The following PTPRO variants were observed in gnomAD, a reference collection of about 807,000 sequenced individuals.
PTPRO encodes the protein receptor-type tyrosine-protein phosphatase O.
Under a neutral mutation model 145.2 loss-of-function variants are expected in PTPRO, and 62 were observed. The observed-to-expected ratio is 0.43, with a 90% CI of 0.35 to 0.53. The LOEUF is 0.53. Among genes scored for constraint, PTPRO ranks in the 20% least tolerant of loss-of-function variants. PTPRO has a pLI of 0.01. For synonymous variants in PTPRO, 565 were observed against 514.7 expected (o/e 1.10, Z -1.32); for missense variants, 1,345 against 1,482.7 (o/e 0.91, Z 1.53).
intron 1 of PTPRO, among the ~76,000 whole-genome samples, chr12:15,462,516 C>T (rs1941328346): frequency 6.6e-6 from 1 of 152,142 alleles, no homozygotes; most frequent in Non-Finnish European, 1.5e-5. Context: ...ATATTTGTTG[C>T]TTCTTACTGT....
intron 7 of PTPRO, among the ~76,000 whole-genome samples, chr12:15,512,098 T>C (rs1259614893): frequency 1.5e-5 from 2 of 131,010 alleles, no homozygotes; most frequent in East Asian, 2.0e-4. Flanking sequence ...AATGGAGCAA[T>C]GTTTTTTTGT....
At chr12:15,354,879 T>G (rs948728219) in intron 1 of PTPRO, among the ~76,000 whole-genome samples, 7 of 152,200 alleles carry the variant, frequency 4.6e-5, no homozygotes, top group African/African-American at 1.4e-4. Context: ...TAAATGTCAG[T>G]GCACTGTTGT....
At position 15,594,838 on chromosome 12, in the gene PTPRO, CCTTT is replaced by C. The variant is rs1035565884; in HGVS notation, c.3547-98_3547-95del. ...TCTCTGTAAATAATGAAAATGGTTT[CCTTT>C]AACACCAGATCTTGATCATTAAAAT... is the stretch of plus-strand genomic sequence containing the variant. On this transcript the variant is annotated intron_variant, in intron 25 of 26. Transcript: ENST00000281171. The C allele has an allele frequency of 1.1e-4, 88 of 832,338 alleles. No individual in the cohort carries two copies. The African/African-American group carries it at 1.4e-3, about 13-fold the overall frequency. The allele number at this position is 832,338 out of a possible 1,614,324, so 51.6% of individuals were successfully genotyped here.
chr12:15,340,267 C>G (rs984170838), intron 1 of PTPRO, among the ~76,000 whole-genome samples: 37 of 152,294 alleles, frequency 2.4e-4, no homozygotes, highest in African/African-American at 7.0e-4. Context: ...CTGTAACATA[C>G]CATACTACTT....
rs999284315 is a variant in PTPRO at position 15,483,482 on chromosome 12, T to C, written c.76-492T>C. 2.0e-5 allele frequency among the ~76,000 whole-genome samples: 3 copies of C among 152,140 alleles called. No individual in the cohort carries two copies. In the South Asian group the frequency reaches 6.2e-4, roughly 31 times the overall value. On this transcript the variant is annotated intron_variant, in intron 1 of 26. Coordinates refer to ENST00000281171, the MANE Select transcript of PTPRO (RefSeq NM_030667.3). ...CACCAGTTTCTCAATCCTGACCTTT[T>C]TATAATTTTCAGAGCTAGCAGATGA... is the stretch of plus-strand genomic sequence containing the variant.
At chr12:15,567,213 C>G (rs548058801) in intron 18 of PTPRO, among the ~76,000 whole-genome samples, 1 of 152,118 alleles carries the variant, frequency 6.6e-6, no homozygotes, top group South Asian at 2.1e-4. Context: ...CCTTTGACTC[C>G]TCTCTCCTTC....
chr12:15,437,564 C>T (rs1940632767), intron 1 of PTPRO, among the ~76,000 whole-genome samples: 2 of 152,156 alleles, frequency 1.3e-5, no homozygotes, highest in African/African-American at 4.8e-5. Flanking sequence ...CCTTTCTGCT[C>T]CATGCTCAGG....
intron 1 of PTPRO, among the ~76,000 whole-genome samples, chr12:15,402,112 G>A (rs867749748): frequency 3.9e-5 from 6 of 152,114 alleles, no homozygotes; most frequent in Admixed American, 6.5e-5. Context: ...ATAGGAAGCC[G>A]GGCACAGTGG....
chr12:15,503,831 C>T, intron 5 of PTPRO, 77 bp from the exon 6 acceptor site: 1 of 1,227,736 alleles, frequency 8.1e-7, no homozygotes, highest in Non-Finnish European at 1.1e-6. Context: ...AATTTTTTTT[C>T]ATTAATCGAC....
intron 1 of PTPRO, among the ~76,000 whole-genome samples, chr12:15,373,563 T>G (rs770274297): frequency 3.1e-4 from 47 of 152,168 alleles, no homozygotes; most frequent in Non-Finnish European, 2.8e-4. Flanking sequence ...GCTATTCCAG[T>G]TTTTTATGGA....
At chr12:15,497,927 G>T (rs1942141081) in intron 3 of PTPRO, among the ~76,000 whole-genome samples, 1 of 152,194 alleles carries the variant, frequency 6.6e-6, no homozygotes. Context: ...AGAGAAAAGA[G>T]CCCAGGAGAA....
At chr12:15,454,121 A>G (rs1941115448) in intron 1 of PTPRO, among the ~76,000 whole-genome samples, 1 of 152,162 alleles carries the variant, frequency 6.6e-6, no homozygotes, top group South Asian at 2.1e-4. Context: ...ATCACATGCT[A>G]TTTCTATTTT....
At chr12:15,561,271 G>A (rs1565430039) in intron 17 of PTPRO, among the ~76,000 whole-genome samples, 1 of 151,972 alleles carries the variant, frequency 6.6e-6, no homozygotes, top group Non-Finnish European at 1.5e-5. Context: ...GTGGTGGTGC[G>A]GGTATGAAAA....
At chr12:15,541,888 T>C (rs935620406) in intron 12 of PTPRO, among the ~76,000 whole-genome samples, 2 of 152,052 alleles carry the variant, frequency 1.3e-5, no homozygotes, top group African/African-American at 4.8e-5. Flanking sequence ...GGCAGGCACC[T>C]GTAGTCCCAG....
intron 4 of PTPRO, among the ~76,000 whole-genome samples, chr12:15,500,079 A>ATGGG (rs139740739): frequency 0.53 from 53,155 of 99,756 alleles, 9,898 homozygotes; most frequent in Admixed American, 0.58. Context: ...GGATAGATGG[A>ATGGG]TGGGTGGATG....
At chr12:15,385,347 A>C (rs1408109806) in intron 1 of PTPRO, among the ~76,000 whole-genome samples, 1 of 152,154 alleles carries the variant, frequency 6.6e-6, no homozygotes, top group Non-Finnish European at 1.5e-5. Flanking sequence ...ACTTGAGGGC[A>C]ACTACGGATT....
intron 2 of PTPRO, among the ~76,000 whole-genome samples, chr12:15,488,260 T>C (rs901002832): frequency 3.9e-5 from 6 of 152,186 alleles, no homozygotes; most frequent in African/African-American, 1.4e-4. Flanking sequence ...TTGTACCTCA[T>C]TTTTAAAGGT....
intron 1 of PTPRO, among the ~76,000 whole-genome samples, chr12:15,440,840 T>C (rs1158035352): frequency 6.6e-6 from 1 of 152,188 alleles, no homozygotes; most frequent in African/African-American, 2.4e-5. Context: ...CTCTCATAAA[T>C]ATGTATGCAT....
intron 19 of PTPRO, among the ~76,000 whole-genome samples, chr12:15,578,448 A>G (rs954703050): frequency 1.3e-5 from 2 of 152,212 alleles, no homozygotes; most frequent in African/African-American, 2.4e-5. Flanking sequence ...ATAAGAAACA[A>G]CCTCAAAATC....
Sources: gnomAD v4.1 joint callset for allele counts (sites outside exome capture counted in the v4.1 genomes callset) on GRCh38, gnomAD v4.1.1 for gene constraint, MANE v1.5 for transcripts, NCBI Gene and HGNC (gene_info 2026-07-23, HGNC 2026-07-21) for gene names.